The following DLG5 variants were observed in gnomAD, a reference collection of about 807,000 sequenced individuals.
DLG5 encodes the protein discs large MAGUK scaffold protein 5.
A neutral mutation model predicts 189.8 loss-of-function variants in DLG5; 48 were observed. The ratio of observed to expected loss-of-function variants is 0.25; its 90% CI spans 0.20 to 0.32. The LOEUF (loss-of-function observed/expected upper bound fraction) is 0.32. DLG5 is among the 10% of genes least tolerant of loss of function. The probability of loss-of-function intolerance (pLI) is 1.00; values close to 1 mark genes in which losing one functional copy is unlikely to be tolerated. For missense variants in DLG5, 2,160 were observed against 2,544.7 expected (o/e 0.85, Z 3.25); for synonymous variants, 1,016 against 1,054.1 (o/e 0.96, Z 0.70).
chr10:77,871,171 G>A (rs567044996), intron 1 of DLG5, among the ~76,000 whole-genome samples: 2 of 152,300 alleles, frequency 1.3e-5, no homozygotes, highest in East Asian at 3.9e-4. Flanking sequence ...GAAGGGATTA[G>A]ATTTGTTCTT....
chr10:77,863,654 G>A lies in DLG5; in HGVS notation c.373+5475C>T, dbSNP rs189913204. 5.5e-4 allele frequency among the ~76,000 whole-genome samples: 84 copies of A among 152,322 alleles called. 1 individual carries two copies. Among genetic ancestry groups the A allele is most frequent in the African/African-American group, 2.0e-3 (84 of 41,562 alleles). Reference sequence around the variant, plus strand: ...TTGTTCTTCTGGACTCAAATGCAAAGCTGTCAACTCTCCCGTGACCTCAGG... The same window carrying A: ...TTGTTCTTCTGGACTCAAATGCAAAACTGTCAACTCTCCCGTGACCTCAGG... On this transcript the variant is annotated intron_variant, in intron 2 of 31. Coordinates refer to ENST00000372391, the MANE Select transcript of DLG5 (RefSeq NM_004747.4).
At chr10:77,805,250 G>T (rs756953441) in intron 27 of DLG5, among the ~76,000 whole-genome samples, 7 of 152,202 alleles carry the variant, frequency 4.6e-5, no homozygotes, top group African/African-American at 7.2e-5. Context: ...GATTAAACGT[G>T]TGAGCCACTG....
rs1843108586 is a variant in DLG5 at position 77,835,928 on chromosome 10, G to A, written c.1438-6C>T. On this transcript the variant is annotated splice_polypyrimidine_tract_variant and splice_region_variant and intron_variant, in intron 7 of 31. Transcript: ENST00000372391. ...ATTGTCACCGTGTCTTTGATCTGGTGGGAGCAAGGGGCAGGAAGAGGGAGA... is the reference window on the plus strand; with the variant it reads ...ATTGTCACCGTGTCTTTGATCTGGTAGGAGCAAGGGGCAGGAAGAGGGAGA... 3 of 1,606,532 alleles carry A rather than the reference G, an allele frequency of 1.9e-6. No individual in the cohort carries two copies. The highest frequency in any genetic ancestry group is 1.7e-5 in the Admixed American group (1 of 59,784).
At chr10:77,918,888 C>T (rs1249834995) in intron 1 of DLG5, among the ~76,000 whole-genome samples, 1 of 152,006 alleles carries the variant, frequency 6.6e-6, no homozygotes, top group Admixed American at 6.6e-5. Flanking sequence ...TGGGGCAGAA[C>T]ATACAGGTGG....
At chr10:77,850,298 GTT>G (rs1843904022) in intron 5 of DLG5, among the ~76,000 whole-genome samples, 1 of 152,200 alleles carries the variant, frequency 6.6e-6, no homozygotes, top group African/African-American at 2.4e-5. Context: ...TGGAATCATA[GTT>G]TGTGGTCTTT....
intron 13 of DLG5, among the ~76,000 whole-genome samples, chr10:77,828,412 G>A (rs1055166144): frequency 3.0e-5 from 4 of 133,606 alleles, no homozygotes; most frequent in African/African-American, 1.1e-4. Flanking sequence ...ACTTGAACAC[G>A]AAAGTCAGAG....
chr10:77,822,292 T>C (rs2154575669), intron 14 of DLG5, among the ~76,000 whole-genome samples, 191 bp from the exon 15 acceptor site: 1 of 152,338 alleles, frequency 6.6e-6, no homozygotes, highest in East Asian at 1.9e-4. Context: ...AGTTTTCTCA[T>C]GGCTCTGGTC....
chr10:77,842,160 G>C lies in DLG5; in HGVS notation c.1158C>G (p.Ala386=), dbSNP rs753340706. ...ACTGCAGGTCCTTGTTCTGCGCCGT[G>C]GCCTTGTTCAGCTCATGGTGGATCG... ...FEAIHHELNK[A]TAQNKDLQWE... is the part of the protein sequence containing the mutation. Residue 386 remains alanine, a synonymous_variant, in exon 7 of 32, where the codon GCC becomes GCG. Coordinates refer to ENST00000372391, the MANE Select transcript of DLG5 (RefSeq NM_004747.4). 1.9e-6 allele frequency: 3 copies of C among 1,606,940 alleles called. No individual in the cohort carries two copies. Among genetic ancestry groups the C allele is most frequent in the Non-Finnish European group, 2.5e-6 (3 of 1,179,978 alleles).
Position 77,792,394 on chromosome 10 carries a change from G to T in DLG5, c.*46C>A. Reference sequence around the variant, plus strand: ...TCGCTAGAAAAGAGCTGAGTCTGGTGTCCCCTCAGGCGGCCAGCTGCAGTC... The same window carrying T: ...TCGCTAGAAAAGAGCTGAGTCTGGTTTCCCCTCAGGCGGCCAGCTGCAGTC... On this transcript the variant is annotated 3_prime_UTR_variant, in exon 32 of 32. Transcript: ENST00000372391. 6.4e-7 allele frequency: 1 copy of T among 1,552,592 alleles called. No individual in the cohort carries two copies.
rs1178770964 is a variant in DLG5 at position 77,821,616 on chromosome 10, T to C, written c.2868A>G (p.Ala956=). Residue 956 remains alanine (A), a synonymous_variant, in exon 15 of 32, where the codon GCA becomes GCG. Transcript: ENST00000372391. ...TATAAACAGAGAGCTTCTCAGGCAC[T>C]GCCGTGGAGCTGAGCATGGCCTTGG... The part of the protein sequence containing the change: ...TWPKAMLSST[A]VPEKLSVYKK... The C allele has an allele frequency of 1.6e-5, 26 of 1,613,138 alleles. No individual in the cohort carries two copies. In the East Asian group the frequency reaches 4.9e-4, roughly 30 times the overall value.
In DLG5 at chr10:77,835,793, G is replaced by A. The variant is rs746547340; in HGVS notation, c.1567C>T (p.Arg523Trp). The A allele has an allele frequency of 1.9e-6, 3 of 1,613,870 alleles. No homozygotes were observed. The highest frequency in any genetic ancestry group is 1.1e-5 in the South Asian group (1 of 91,070). Residue 523 changes from arginine to tryptophan, a missense_variant, in exon 8 of 32, where the codon CGG becomes TGG. Coordinates refer to ENST00000372391, the MANE Select transcript of DLG5 (RefSeq NM_004747.4). ...LQEADVAKCRRDWAFQERDKI... is the reference protein window; with the variant it reads ...LQEADVAKCRWDWAFQERDKI... ...TCTCGCTCCTGGAAGGCCCAGTCCC[G>A]CCGGCACTTGGCCACATCCGCCTCC...
In DLG5 at chr10:77,791,357, G is replaced by T. The variant is rs1461202057; in HGVS notation, c.*1083C>A. ...CCTCAGAAGTGCAAAAAAAAAAAAA[G>T]CCCCCAAACGAAGACACCCACACTG... On this transcript the variant is annotated 3_prime_UTR_variant, in exon 32 of 32. Coordinates refer to ENST00000372391, the MANE Select transcript of DLG5 (RefSeq NM_004747.4). 7.0e-6 allele frequency: 1 copy of T among 142,548 alleles called. No individual in the cohort carries two copies. The highest frequency in any genetic ancestry group is 1.5e-5 in the Non-Finnish European group (1 of 65,648). 8.8% of individuals were successfully genotyped at this position (142,548 alleles called of 1,614,324 possible). A position where few individuals can be genotyped will look rare whatever the true frequency, so the allele number is the denominator to read the frequency against.
At chr10:77,844,629 C>G (rs941763070) in intron 5 of DLG5, among the ~76,000 whole-genome samples, 1 of 152,196 alleles carries the variant, frequency 6.6e-6, no homozygotes, top group Admixed American at 6.5e-5. Flanking sequence ...AGACGCTGTG[C>G]CCTGTGGGCC....
At chr10:77,834,099 T>G in intron 8 of DLG5, 60 bp from the exon 9 acceptor site, 1 of 1,568,870 alleles carries the variant, frequency 6.4e-7, no homozygotes, top group Non-Finnish European at 8.6e-7. Flanking sequence ...GGGTTCCTGG[T>G]CTGCAGCGGA....
intron 16 of DLG5, 192 bp from the exon 17 acceptor site, chr10:77,819,657 G>T: frequency 9.8e-7 from 1 of 1,021,084 alleles, no homozygotes; most frequent in Non-Finnish European, 1.4e-6. Context: ...AAGGGGGGAA[G>T]TCTCTTTCAT....
Position 77,830,923 on chromosome 10 carries a change from C to A in DLG5, c.1749-50G>T, listed in dbSNP as rs375720379. ...ACAGCCCCTTGGGAGGTGAAACATC[C>A]CACCGCGTAACGGCTCTGAACCTCA... On this transcript the variant is annotated intron_variant, in intron 9 of 31. Transcript: ENST00000372391. 8.1e-6 allele frequency: 13 copies of A among 1,603,084 alleles called. No individual in the cohort carries two copies. In the African/African-American group the frequency reaches 1.6e-4, roughly 20 times the overall value.
intron 5 of DLG5, among the ~76,000 whole-genome samples, chr10:77,848,325 T>C (rs1405221074): frequency 6.6e-6 from 1 of 152,146 alleles, no homozygotes; most frequent in Non-Finnish European, 1.5e-5. Context: ...TCATTCAGGA[T>C]ACCTGGGACA....
At chr10:77,856,053 C>T (rs1238985399) in intron 3 of DLG5, among the ~76,000 whole-genome samples, 1 of 152,142 alleles carries the variant, frequency 6.6e-6, no homozygotes, top group Non-Finnish European at 1.5e-5. Flanking sequence ...GTTTAAAACA[C>T]ATCATGTGGG....
At chr10:77,928,159 A>C (rs1846749295), upstream of DLG5, 1 of 152,260 alleles carries the variant, frequency 6.6e-6, no homozygotes, top group East Asian at 1.9e-4. Flanking sequence ...AAGGTGGAAC[A>C]AACCAATAAT....
Sources: allele counts gnomAD v4.1 joint callset (sites outside exome capture counted in the v4.1 genomes callset), GRCh38; gene constraint gnomAD v4.1.1; transcripts MANE v1.5; gene names NCBI Gene and HGNC (gene_info 2026-07-23, HGNC 2026-07-21).